The following PPP4R3B variants were observed in gnomAD, a reference collection of about 807,000 sequenced individuals.
PPP4R3B encodes the protein serine/threonine-protein phosphatase 4 regulatory subunit 3B.
In PPP4R3B, 52 loss-of-function variants were observed where a neutral mutation model predicts 95.4. The observed-to-expected ratio is 0.54, with a 90% CI of 0.44 to 0.69. PPP4R3B has a LOEUF of 0.69. Among genes scored for constraint, PPP4R3B ranks in the 30% least tolerant of loss-of-function variants. PPP4R3B has a pLI of 0.00. For missense variants in PPP4R3B, 1,003 were observed against 1,005.9 expected (o/e 1.00, Z 0.04); for synonymous variants, 407 against 343.9 (o/e 1.18, Z -2.03).
At chr2:55,559,334 G>A (rs927129711) in intron 15 of PPP4R3B, among the ~76,000 whole-genome samples, 3 of 151,620 alleles carry the variant, frequency 2.0e-5, no homozygotes, top group East Asian at 1.9e-4. Context: ...CAACAAGAGC[G>A]AAACTCCGTC....
At chr2:55,592,418 T>A (rs565604595) in intron 4 of PPP4R3B, among the ~76,000 whole-genome samples, 7 of 152,234 alleles carry the variant, frequency 4.6e-5, no homozygotes, top group Admixed American at 4.6e-4. Context: ...TACACAAAGC[T>A]GGAATGGGCC....
At chr2:55,612,801 C>T (rs1694355684) in intron 2 of PPP4R3B, among the ~76,000 whole-genome samples, 1 of 152,076 alleles carries the variant, frequency 6.6e-6, no homozygotes, top group Admixed American at 6.6e-5. Context: ...AAAAAATTAA[C>T]TGGGCGTGGT....
intron 5 of PPP4R3B, among the ~76,000 whole-genome samples, chr2:55,587,769 A>G (rs1690359736): frequency 6.6e-6 from 1 of 152,230 alleles, no homozygotes; most frequent in Admixed American, 6.5e-5. Context: ...CAAAAACATA[A>G]TACTGGTTTA....
chr2:55,558,419 C>A (rs932495060), intron 16 of PPP4R3B, among the ~76,000 whole-genome samples: 1 of 152,054 alleles, frequency 6.6e-6, no homozygotes, highest in African/African-American at 2.4e-5. Context: ...ACCATCCTGG[C>A]CAACATGGTG....
chr2:55,552,455 G>A (rs1015757797), intron 16 of PPP4R3B, among the ~76,000 whole-genome samples: 2 of 152,258 alleles, frequency 1.3e-5, no homozygotes, highest in East Asian at 3.9e-4. Flanking sequence ...GTACAGTTGT[G>A]TGATCTCAGT....
intron 2 of PPP4R3B, among the ~76,000 whole-genome samples, chr2:55,610,387 A>C (rs1694001497): frequency 6.6e-6 from 1 of 152,124 alleles, no homozygotes; most frequent in Admixed American, 6.6e-5. Flanking sequence ...CCCCTTCTGA[A>C]CCTGTGTATT....
At chr2:55,597,823 A>G (rs1692012329) in intron 4 of PPP4R3B, among the ~76,000 whole-genome samples, 1 of 152,164 alleles carries the variant, frequency 6.6e-6, no homozygotes. Context: ...AAATAAATAA[A>G]TAGTCAAAAC....
rs1685028725 is a variant in PPP4R3B at position 55,549,654 on chromosome 2, G to C, written c.*257C>G. 7.3e-6 allele frequency: 3 copies of C among 411,362 alleles called. No homozygotes were observed. The South Asian group carries it at 9.7e-5, about 13-fold the overall frequency. The allele number at this position is 411,362 out of a possible 1,614,324, so 25.5% of individuals were successfully genotyped here. A position where few individuals can be genotyped will look rare whatever the true frequency, so the allele number is the denominator to read the frequency against. On this transcript the variant is annotated 3_prime_UTR_variant, in exon 17 of 17. Transcript: ENST00000616407. ...ACCTGTGACTTTTCCTTGCTGAGAA[G>C]CTGTCTCCCAGGTTCTGGTTACTAA...
chr2:55,617,518 A>C lies in PPP4R3B; in HGVS notation c.-233T>G. 2.2e-5 allele frequency: 9 copies of C among 407,754 alleles called. No homozygotes were observed. Among genetic ancestry groups the C allele is most frequent in the South Asian group, 1.3e-4 (2 of 15,956 alleles). 25.3% of individuals were successfully genotyped at this position (407,754 alleles called of 1,614,324 possible). A position where few individuals can be genotyped will look rare whatever the true frequency, so the allele number is the denominator to read the frequency against. ...TCTCACTTCACCCGCGCATACACCC[A>C]CTCTCCCGTCTCTTTGCCCCCCAGG... On this transcript the variant is annotated 5_prime_UTR_variant, in exon 1 of 17. Coordinates refer to ENST00000616407, the MANE Select transcript of PPP4R3B (RefSeq NM_001122964.3).
intron 2 of PPP4R3B, among the ~76,000 whole-genome samples, chr2:55,607,726 C>A (rs1693616061): frequency 6.6e-6 from 1 of 152,172 alleles, no homozygotes; most frequent in Admixed American, 6.5e-5. Flanking sequence ...CCCTCAGCCC[C>A]TCTCCCCTTC....
chr2:55,615,876 A>AAAAAAAAAAAAAAAAAAAAAAAAC (rs1694842288), intron 1 of PPP4R3B, among the ~76,000 whole-genome samples: 1 of 142,642 alleles, frequency 7.0e-6, no homozygotes, highest in African/African-American at 2.6e-5. Flanking sequence ...AAAAAAAAAA[A>AAAAAAAAAAAAAAAAAAAAAAAAC]AAAAAATACA....
chr2:55,584,400 A>C (rs1277869064), intron 7 of PPP4R3B, among the ~76,000 whole-genome samples: 1 of 151,982 alleles, frequency 6.6e-6, no homozygotes, highest in Non-Finnish European at 1.5e-5. Context: ...TGGTTACATG[A>C]GTAAGTTCTT....
intron 16 of PPP4R3B, among the ~76,000 whole-genome samples, chr2:55,552,934 G>C (rs1685413027): frequency 6.6e-6 from 1 of 152,148 alleles, no homozygotes; most frequent in Admixed American, 6.6e-5. Context: ...GAAAACCCCA[G>C]AAAGAAGCTA....
At chr2:55,606,492 C>T (rs1693409498) in intron 2 of PPP4R3B, among the ~76,000 whole-genome samples, 1 of 151,826 alleles carries the variant, frequency 6.6e-6, no homozygotes, top group Admixed American at 6.6e-5. Flanking sequence ...TGAGACCAGC[C>T]TGGGCAATGC....
Position 55,586,740 on chromosome 2 carries a change from A to G in PPP4R3B, c.1000-6T>C, listed in dbSNP as rs762168965. 6.4e-7 allele frequency: 1 copy of G among 1,555,922 alleles called. No homozygotes were observed. The highest frequency in any genetic ancestry group is 8.8e-7 in the Non-Finnish European group (1 of 1,136,316). On this transcript the variant is annotated splice_region_variant and splice_polypyrimidine_tract_variant and intron_variant, in intron 5 of 16. Coordinates refer to ENST00000616407, the MANE Select transcript of PPP4R3B (RefSeq NM_001122964.3). Reference sequence around the variant, plus strand: ...AACTCCTTGAAAAAATTAACCTGTAATGTCAGAAATTTTAGTGAGACATTG... The same window carrying G: ...AACTCCTTGAAAAAATTAACCTGTAGTGTCAGAAATTTTAGTGAGACATTG...
chr2:55,591,120 A>C (rs954881605), intron 4 of PPP4R3B, among the ~76,000 whole-genome samples: 1 of 148,558 alleles, frequency 6.7e-6, no homozygotes, highest in African/African-American at 2.5e-5. Flanking sequence ...GTAATCTTTT[A>C]TTTAGCCCTC....
intron 2 of PPP4R3B, among the ~76,000 whole-genome samples, chr2:55,613,333 T>C (rs1694444314): frequency 6.7e-6 from 1 of 149,954 alleles, no homozygotes; most frequent in Non-Finnish European, 1.5e-5. Context: ...AGTTCTCTTA[T>C]ACACCTGAAT....
At chr2:55,552,986 A>C (rs888454127) in intron 16 of PPP4R3B, among the ~76,000 whole-genome samples, 1 of 152,212 alleles carries the variant, frequency 6.6e-6, no homozygotes, top group Admixed American at 6.5e-5. Context: ...CAGGGAAAAC[A>C]GTTTAATTAT....
At chr2:55,571,883 T>A (rs555873836) in intron 12 of PPP4R3B, among the ~76,000 whole-genome samples, 1 of 152,334 alleles carries the variant, frequency 6.6e-6, no homozygotes, top group East Asian at 1.9e-4. Flanking sequence ...CCTCCCAAAG[T>A]GCTGGGATTT....
Sources: gnomAD v4.1 joint callset for allele counts (sites outside exome capture counted in the v4.1 genomes callset) on GRCh38, gnomAD v4.1.1 for gene constraint, MANE v1.5 for transcripts, NCBI Gene and HGNC (gene_info 2026-07-23, HGNC 2026-07-21) for gene names.